Variants in RBFOX1 observed in about 807,000 individuals in gnomAD.
The protein encoded by RBFOX1 is RNA binding protein fox-1 homolog 1.
Under a neutral mutation model 57.7 loss-of-function variants are expected in RBFOX1, and 8 were observed. The ratio of observed to expected loss-of-function variants is 0.14; its 90% CI spans 0.08 to 0.25. The LOEUF (loss-of-function observed/expected upper bound fraction) is 0.25, where lower values mean the gene tolerates loss of function less well. Ranked by LOEUF, RBFOX1 falls within the 10% of genes least tolerant of loss-of-function variation. The probability of loss-of-function intolerance (pLI) is 1.00; values close to 1 mark genes in which losing one functional copy is unlikely to be tolerated. For missense variants in RBFOX1, 611 were observed against 548.5 expected (o/e 1.11, Z -1.14); for synonymous variants, 326 against 222.4 (o/e 1.47, Z -4.15).
intron 1 of RBFOX1, among the ~76,000 whole-genome samples, chr16:5,337,160 A>G (rs1361925589): frequency 1.3e-5 from 2 of 152,208 alleles, no homozygotes; most frequent in Non-Finnish European, 2.9e-5. Flanking sequence ...CACATGGCTC[A>G]GGTGACAAAA....
intron 2 of RBFOX1, among the ~76,000 whole-genome samples, chr16:5,504,605 G>C (rs2151706428): frequency 6.6e-6 from 1 of 152,330 alleles, no homozygotes; most frequent in South Asian, 2.1e-4. Context: ...GGCCCGGTTT[G>C]GCTCCCAGCA....
intron 4 of RBFOX1, among the ~76,000 whole-genome samples, chr16:7,347,518 C>G (rs184813384): frequency 6.6e-6 from 1 of 152,092 alleles, no homozygotes; most frequent in Non-Finnish European, 1.5e-5. Flanking sequence ...GTGGGAGATA[C>G]AATTCAAGAT....
At position 6,378,453 on chromosome 16, in the gene RBFOX1, C is replaced by T. The variant is rs530387980; in HGVS notation, c.-64+61396C>T. ...CGATGGAGGTTGTTGAGCAGGGTTG[C>T]AATTGTAGCCCGTCACTTTGGTCTT... On this transcript the variant is annotated intron_variant, in intron 2 of 15. Coordinates refer to ENST00000550418, the MANE Select transcript of RBFOX1 (RefSeq NM_018723.4). 3.5e-4 allele frequency among the ~76,000 whole-genome samples: 53 copies of T among 152,310 alleles called. 1 individual carries two copies. The South Asian group carries it at 0.011, about 32-fold the overall frequency.
At chr16:5,784,625 C>T (rs1015385540) in intron 3 of RBFOX1, among the ~76,000 whole-genome samples, 2 of 152,168 alleles carry the variant, frequency 1.3e-5, no homozygotes, top group African/African-American at 4.8e-5. Context: ...TCTGGCCCCA[C>T]CTCCAGCCCT....
intron 5 of RBFOX1, among the ~76,000 whole-genome samples, chr16:7,551,684 C>T (rs1032320548): frequency 2.0e-5 from 3 of 152,270 alleles, no homozygotes; most frequent in Non-Finnish European, 4.4e-5. Flanking sequence ...CAGTGGCATG[C>T]AGGAAGCTGC....
At chr16:7,354,623 C>A (rs559104574) in intron 4 of RBFOX1, among the ~76,000 whole-genome samples, 36 of 152,224 alleles carry the variant, frequency 2.4e-4, no homozygotes, top group African/African-American at 7.7e-4. Context: ...TTACCGTGCC[C>A]AATTTTTGTT....
intron 4 of RBFOX1, among the ~76,000 whole-genome samples, chr16:7,205,831 G>C (rs2089852227): frequency 1.3e-5 from 2 of 152,364 alleles, no homozygotes; most frequent in East Asian, 1.9e-4. Flanking sequence ...TGAGAGAACT[G>C]TGTGTAGTAA....
chr16:7,510,463 G>C (rs2074727523), intron 4 of RBFOX1, among the ~76,000 whole-genome samples: 1 of 149,388 alleles, frequency 6.7e-6, no homozygotes, highest in Non-Finnish European at 1.5e-5. Flanking sequence ...TTTTGGTGAA[G>C]AGAGTGTGTG....
intron 6 of RBFOX1, among the ~76,000 whole-genome samples, chr16:7,583,373 T>C (rs1403152780): frequency 1.3e-5 from 2 of 152,218 alleles, no homozygotes; most frequent in Admixed American, 6.5e-5. Context: ...TTAGGTATCA[T>C]GCATGAGCAT....
At chr16:6,767,637 T>C (rs1437002137) in intron 3 of RBFOX1, among the ~76,000 whole-genome samples, 1 of 151,998 alleles carries the variant, frequency 6.6e-6, no homozygotes, top group African/African-American at 2.4e-5. Flanking sequence ...ATGGAGAGGC[T>C]AGGTGTGGTG....
At chr16:5,744,544 A>T (rs901394006) in intron 3 of RBFOX1, among the ~76,000 whole-genome samples, 1 of 152,120 alleles carries the variant, frequency 6.6e-6, no homozygotes, top group Non-Finnish European at 1.5e-5. Flanking sequence ...TGCACTGATG[A>T]CTTGAAATTG....
downstream of RBFOX1, among the ~76,000 whole-genome samples, chr16:5,603,226 C>G (rs1046118580): frequency 6.6e-6 from 1 of 152,180 alleles, no homozygotes; most frequent in African/African-American, 2.4e-5. Context: ...TAACAGCTAG[C>G]ATCTTTGGGA....
rs34133804 is a variant in RBFOX1, at chr16:7,668,661, A to AACAC, written c.930+3710_930+3713dup. Among the ~76,000 whole-genome samples the AACAC allele has an allele frequency of 5.7e-3, 854 of 150,334 alleles. 11 individuals carry two copies. Among genetic ancestry groups the AACAC allele is most frequent in the South Asian group, 0.042 (197 of 4,736 alleles). On this transcript the variant is annotated intron_variant, in intron 13 of 15. Transcript: ENST00000550418. ...TCCCTTCTACCTGAGAACAGAACAG[A>AACAC]ACACACACACACACACACACTTTTG...
At chr16:6,749,232 G>C (rs2074414106) in intron 3 of RBFOX1, among the ~76,000 whole-genome samples, 1 of 152,174 alleles carries the variant, frequency 6.6e-6, no homozygotes, top group Non-Finnish European at 1.5e-5. Context: ...GTTTTGGCAA[G>C]TTGTCTGTCC....
At chr16:6,486,050 A>G (rs2095474166) in intron 2 of RBFOX1, among the ~76,000 whole-genome samples, 1 of 136,184 alleles carries the variant, frequency 7.3e-6, no homozygotes, top group South Asian at 2.4e-4. Flanking sequence ...TAGGAGTATG[A>G]TACAAAAGTT....
chr16:7,276,757 T>G (rs868450591), intron 4 of RBFOX1, among the ~76,000 whole-genome samples: 1 of 152,208 alleles, frequency 6.6e-6, no homozygotes, highest in Non-Finnish European at 1.5e-5. Context: ...ACGTTAAGAC[T>G]GATTACAAAT....
intron 4 of RBFOX1, among the ~76,000 whole-genome samples, chr16:7,358,566 G>A (rs2097261286): frequency 6.6e-6 from 1 of 152,226 alleles, no homozygotes; most frequent in Non-Finnish European, 1.5e-5. Flanking sequence ...AATTACAGGA[G>A]TCTGCCATCA....
chr16:7,671,550 C>T lies in RBFOX1; in HGVS notation c.931-5224C>T, dbSNP rs776577408. ...ATTGAAAACATTACATTTCTGTTTC[C>T]TTATAGAGTAGTGTATCAAGAGCCT... On this transcript the variant is annotated intron_variant, in intron 13 of 15. Transcript: ENST00000550418. 55 of 1,606,366 alleles carry T rather than the reference C, an allele frequency of 3.4e-5. No homozygotes were observed. The South Asian group carries it at 5.7e-4, about 17-fold the overall frequency.
chr16:5,265,445 G>T (rs59012036), intron 1 of RBFOX1, among the ~76,000 whole-genome samples: 78 of 152,232 alleles, frequency 5.1e-4, no homozygotes, highest in African/African-American at 1.9e-3. Context: ...TTGCTTTGTT[G>T]TCCCCCAAAT....
Sources: allele counts gnomAD v4.1 joint callset (sites outside exome capture counted in the v4.1 genomes callset), GRCh38; gene constraint gnomAD v4.1.1; transcripts MANE v1.5; gene names NCBI Gene and HGNC (gene_info 2026-07-23, HGNC 2026-07-21).